The following ATP8B4 variants were observed in gnomAD, a reference collection of about 807,000 sequenced individuals.
ATP8B4 encodes the protein ATPase phospholipid transporting 8B4 (putative), also known as probable phospholipid-transporting ATPase IM.
Under a neutral mutation model 145.6 loss-of-function variants are expected in ATP8B4, and 133 were observed. The observed-to-expected ratio is 0.91, with a 90% CI of 0.79 to 1.05. The LOEUF is 1.05. Ranked by LOEUF, ATP8B4 falls within the 50% of genes least tolerant of loss-of-function variation. The pLI is 0.00. For synonymous variants in ATP8B4, 507 were observed against 492.9 expected (o/e 1.03, Z -0.38); for missense variants, 1,458 against 1,425.2 (o/e 1.02, Z -0.37).
chr15:50,035,534 C>A (rs959566688), intron 6 of ATP8B4, among the ~76,000 whole-genome samples: 8 of 152,126 alleles, frequency 5.3e-5, no homozygotes, highest in African/African-American at 1.9e-4. Flanking sequence ...GCCTTAATCT[C>A]CTCATCTTTA....
chr15:50,104,887 A>ACACACACACACACC (rs753542910), intron 2 of ATP8B4, among the ~76,000 whole-genome samples: 117 of 151,484 alleles, frequency 7.7e-4, no homozygotes, highest in Middle Eastern at 3.4e-3. Context: ...ACACACACAC[A>ACACACACACACACC]CCCATATATA....
chr15:49,927,698 T>C (rs1340205844), intron 16 of ATP8B4, among the ~76,000 whole-genome samples: 1 of 152,020 alleles, frequency 6.6e-6, no homozygotes. Context: ...TAGGTTTTTG[T>C]CAACACCCTC....
intron 2 of ATP8B4, among the ~76,000 whole-genome samples, chr15:50,075,840 T>C (rs1274867710): frequency 6.6e-6 from 1 of 152,126 alleles, no homozygotes; most frequent in African/African-American, 2.4e-5. Flanking sequence ...GGAACCTAAA[T>C]GCTTAAAAAG....
chr15:49,959,626 T>C (rs961041912), intron 14 of ATP8B4, among the ~76,000 whole-genome samples: 8 of 152,102 alleles, frequency 5.3e-5, no homozygotes, highest in African/African-American at 1.7e-4. Flanking sequence ...GACAGTGTTA[T>C]ACAAAATTAA....
chr15:50,053,862 A>G (rs922744882), intron 3 of ATP8B4, among the ~76,000 whole-genome samples: 2 of 152,226 alleles, frequency 1.3e-5, no homozygotes, highest in East Asian at 1.9e-4. Context: ...CAAATTAAGT[A>G]TATTGCTTAA....
At chr15:49,883,364 G>A (rs1030199428) in intron 23 of ATP8B4, 1 of 152,112 alleles carries the variant, frequency 6.6e-6, no homozygotes, top group African/African-American at 2.4e-5. Flanking sequence ...TTGTCAACCG[G>A]CACTCAGATT....
intron 14 of ATP8B4, among the ~76,000 whole-genome samples, chr15:49,958,417 A>G (rs1172628376): frequency 6.6e-6 from 1 of 151,634 alleles, no homozygotes; most frequent in Non-Finnish European, 1.5e-5. Flanking sequence ...ATTAATAAAG[A>G]AGCAGAAGTT....
intron 1 of ATP8B4, among the ~76,000 whole-genome samples, chr15:50,168,524 C>T (rs118034869): frequency 0.079 from 11,980 of 152,214 alleles, 515 homozygotes; most frequent in Admixed American, 0.11. Flanking sequence ...CAGAAAGGCC[C>T]TGGGAGCTCG....
chr15:50,054,621 A>G (rs369268455), intron 3 of ATP8B4, among the ~76,000 whole-genome samples: 45 of 151,876 alleles, frequency 3.0e-4, no homozygotes, highest in African/African-American at 1.0e-3. Flanking sequence ...ATCTCTACTA[A>G]AAATACAAAA....
chr15:50,175,441 G>A (rs2044747827), intron 1 of ATP8B4, among the ~76,000 whole-genome samples: 2 of 152,022 alleles, frequency 1.3e-5, no homozygotes, highest in African/African-American at 4.8e-5. Context: ...TAACCAGTAA[G>A]AAACTAACAA....
At chr15:50,059,656 C>T (rs1159429494) in intron 3 of ATP8B4, among the ~76,000 whole-genome samples, 1 of 152,148 alleles carries the variant, frequency 6.6e-6, no homozygotes, top group East Asian at 1.9e-4. Flanking sequence ...TTCCTTTTCC[C>T]GATTCACTCC....
chr15:49,921,059 T>C (rs2153455233), intron 17 of ATP8B4, among the ~76,000 whole-genome samples: 1 of 152,278 alleles, frequency 6.6e-6, no homozygotes, highest in East Asian at 1.9e-4. Flanking sequence ...TTTAAGCATA[T>C]TACTTAAGGT....
chr15:50,116,777 G>T, intron 1 of ATP8B4, among the ~76,000 whole-genome samples: 1 of 152,080 alleles, frequency 6.6e-6, no homozygotes, highest in East Asian at 1.9e-4. Flanking sequence ...CACTGGGTAG[G>T]TACTCAAACT....
At chr15:50,025,138 T>C (rs2049907531) in intron 6 of ATP8B4, among the ~76,000 whole-genome samples, 1 of 152,224 alleles carries the variant, frequency 6.6e-6, no homozygotes, top group Admixed American at 6.5e-5. Context: ...GGAGATTGTC[T>C]CAGCCTCAAG....
chr15:50,154,850 T>G (rs1595653563), intron 1 of ATP8B4, among the ~76,000 whole-genome samples: 1 of 152,158 alleles, frequency 6.6e-6, no homozygotes, highest in East Asian at 1.9e-4. Context: ...AACTTTTGTA[T>G]GTTTTGGTAG....
At chr15:49,969,197 A>C (rs2044844121) in intron 13 of ATP8B4, among the ~76,000 whole-genome samples, 1 of 152,222 alleles carries the variant, frequency 6.6e-6, no homozygotes, top group East Asian at 1.9e-4. Context: ...TGACATCCTA[A>C]CATCACAATT....
chr15:49,957,813 A>G (rs1407703353), intron 14 of ATP8B4, among the ~76,000 whole-genome samples: 2 of 151,956 alleles, frequency 1.3e-5, no homozygotes, highest in African/African-American at 4.8e-5. Flanking sequence ...ACCTATGATC[A>G]GAACACTTTA....
At chr15:49,890,147 G>A (rs2036633239) in intron 23 of ATP8B4, among the ~76,000 whole-genome samples, 1 of 152,168 alleles carries the variant, frequency 6.6e-6, no homozygotes, top group African/African-American at 2.4e-5. Context: ...GTTGTTCCTG[G>A]GGGGCCATCA....
In ATP8B4 at chr15:49,882,529, A is replaced by G. The variant is rs190128226; in HGVS notation, c.2698-3070T>C. On this transcript the variant is annotated intron_variant, in intron 23 of 27. Coordinates refer to ENST00000284509, the MANE Select transcript of ATP8B4 (RefSeq NM_024837.4). ...GATAAAGACATTATCATGTATCGAT[A>G]TAACAGAATACTATAGAATAATGAA... Among the ~76,000 whole-genome samples the G allele has an allele frequency of 3.5e-4, 53 of 152,388 alleles. 1 individual carries two copies. The East Asian group carries it at 9.2e-3, about 27-fold the overall frequency.
Sources: allele counts gnomAD v4.1 joint callset (sites outside exome capture counted in the v4.1 genomes callset), GRCh38; gene constraint gnomAD v4.1.1; transcripts MANE v1.5; gene names NCBI Gene and HGNC (gene_info 2026-07-23, HGNC 2026-07-21).